SLC9A9: variants seen among roughly 807,000 people sequenced by gnomAD.
The protein encoded by SLC9A9 is solute carrier family 9 member A9, also known as sodium/hydrogen exchanger 9.
Under a neutral mutation model 77.8 loss-of-function variants are expected in SLC9A9, and 62 were observed. The ratio of observed to expected loss-of-function variants is 0.80; its 90% CI spans 0.65 to 0.98. The LOEUF is 0.98. SLC9A9 is among the 50% of genes least tolerant of loss of function. SLC9A9 has a pLI of 0.00. For missense variants in SLC9A9, 775 were observed against 774.9 expected, an observed-to-expected ratio of 1.00 and a Z score of 0.00; for synonymous variants, 320 against 283.5, an observed-to-expected ratio of 1.13 and a Z score of -1.29.
chr3:143,268,414 C>T (rs1937792493), intron 15 of SLC9A9, among the ~76,000 whole-genome samples: 1 of 152,112 alleles, frequency 6.6e-6, no homozygotes, highest in South Asian at 2.1e-4. Context: ...AGAAATGCTT[C>T]CTAGTGCAGT....
intron 14 of SLC9A9, among the ~76,000 whole-genome samples, chr3:143,284,166 C>G (rs1483952136): frequency 6.6e-6 from 1 of 152,070 alleles, no homozygotes; most frequent in African/African-American, 2.4e-5. Context: ...ATTTCACCCT[C>G]CTAAATCACA....
chr3:143,474,114 A>C (rs2035425766), intron 11 of SLC9A9, among the ~76,000 whole-genome samples: 2 of 152,122 alleles, frequency 1.3e-5, no homozygotes, highest in Non-Finnish European at 2.9e-5. Context: ...CTGGAGGAAA[A>C]TCATTCTAGG....
Position 143,836,068 on chromosome 3 carries a change from A to C in SLC9A9, c.176-3847T>G, listed in dbSNP as rs4498041. On this transcript the variant is annotated intron_variant, in intron 1 of 15. Transcript: ENST00000316549. ...TGACTTCTCTCCACAGCCTACAAGT[A>C]CCACAGAAAGCATGGACAATGGACT... Among the ~76,000 whole-genome samples the C allele has an allele frequency of 3.7e-3, 563 of 152,318 alleles. 5 individuals carry two copies. The highest frequency in any genetic ancestry group is 0.013 in the African/African-American group (542 of 41,574).
chr3:143,669,108 G>T (rs1485400048), intron 5 of SLC9A9, among the ~76,000 whole-genome samples: 4 of 152,168 alleles, frequency 2.6e-5, no homozygotes, highest in African/African-American at 9.7e-5. Context: ...AATCCAGAGA[G>T]TGAGTGCCTT....
chr3:143,337,951 C>T (rs2108460738), intron 14 of SLC9A9, among the ~76,000 whole-genome samples: 1 of 152,218 alleles, frequency 6.6e-6, no homozygotes, highest in African/African-American at 2.4e-5. Context: ...GCTATTCTGT[C>T]CTTGAGGAAA....
intron 11 of SLC9A9, among the ~76,000 whole-genome samples, chr3:143,471,777 C>T (rs2035382122): frequency 6.6e-6 from 1 of 152,036 alleles, no homozygotes; most frequent in South Asian, 2.1e-4. Context: ...TTCATATGCC[C>T]AGTTGGAAAT....
intron 12 of SLC9A9, among the ~76,000 whole-genome samples, chr3:143,413,547 G>T (rs542660965): frequency 6.6e-6 from 1 of 152,128 alleles, no homozygotes; most frequent in African/African-American, 2.4e-5. Context: ...GGCAGCTGGC[G>T]GAAAGAGGAA....
chr3:143,326,257 T>C (rs1229014951), intron 14 of SLC9A9, among the ~76,000 whole-genome samples: 2 of 152,158 alleles, frequency 1.3e-5, no homozygotes, highest in African/African-American at 4.8e-5. Flanking sequence ...GACACTACAC[T>C]TGCTTTCCTG....
intron 6 of SLC9A9, among the ~76,000 whole-genome samples, chr3:143,640,616 T>A (rs1261465038): frequency 6.6e-6 from 1 of 152,140 alleles, no homozygotes; most frequent in Non-Finnish European, 1.5e-5. Flanking sequence ...ATCCCAGCAC[T>A]TTGGGAGGCC....
intron 4 of SLC9A9, among the ~76,000 whole-genome samples, chr3:143,783,840 G>A (rs1448324210): frequency 2.6e-5 from 4 of 152,128 alleles, no homozygotes; most frequent in Non-Finnish European, 5.9e-5. Flanking sequence ...ACTCTCCAAG[G>A]CCCGGGAAAG....
rs1394811355 is a variant in SLC9A9, at chr3:143,832,161, G to C, written c.236C>G (p.Thr79Ser). ...ATAPTDIESGTVYDCVKLTFS... is the reference protein window; with the variant it reads ...ATAPTDIESGSVYDCVKLTFS... ...AGTTAGTTTTACACAGTCATAGACA[G>C]TTCCACTTTCAATATCAGTTGGTGC... The change falls in exon 2 of 16, where the codon ACT (threonine) becomes AGT (serine). Residue 79 changes from threonine (T) to serine (S), a missense_variant. Coordinates refer to ENST00000316549, the MANE Select transcript of SLC9A9 (RefSeq NM_173653.4). 15 of 1,612,976 alleles carry C rather than the reference G, an allele frequency of 9.3e-6. No individual in the cohort carries two copies. The highest frequency in any genetic ancestry group is 1.3e-5 in the Non-Finnish European group (15 of 1,179,556).
intron 13 of SLC9A9, among the ~76,000 whole-genome samples, chr3:143,377,906 TC>T (rs1226818590): frequency 6.6e-6 from 1 of 152,232 alleles, no homozygotes; most frequent in Non-Finnish European, 1.5e-5. Context: ...ATGCTGGCCT[TC>T]CTGCTGCTTT....
At chr3:143,288,045 A>G (rs1039619973) in intron 14 of SLC9A9, among the ~76,000 whole-genome samples, 3 of 152,172 alleles carry the variant, frequency 2.0e-5, no homozygotes, top group African/African-American at 7.2e-5. Flanking sequence ...AATGTGGAGA[A>G]CTGGTCATTG....
At chr3:143,272,854 T>C (rs1294737388) in intron 14 of SLC9A9, among the ~76,000 whole-genome samples, 1 of 152,210 alleles carries the variant, frequency 6.6e-6, no homozygotes, top group Admixed American at 6.5e-5. Context: ...CAATGACTTT[T>C]CTCATCTTTA....
chr3:143,433,594 A>G (rs2034568858), intron 12 of SLC9A9, among the ~76,000 whole-genome samples: 1 of 152,202 alleles, frequency 6.6e-6, no homozygotes, highest in African/African-American at 2.4e-5. Context: ...GTGATATTAT[A>G]AAAGGTGGGG....
chr3:143,325,121 A>G (rs898786592), intron 14 of SLC9A9, among the ~76,000 whole-genome samples: 3 of 149,808 alleles, frequency 2.0e-5, no homozygotes, highest in African/African-American at 7.3e-5. Flanking sequence ...CTTTTTCCAT[A>G]GTAGTGAGAA....
chr3:143,807,871 A>G (rs2008764830), intron 2 of SLC9A9, among the ~76,000 whole-genome samples: 1 of 152,244 alleles, frequency 6.6e-6, no homozygotes, highest in Admixed American at 6.5e-5. Flanking sequence ...ACCCAGGTGG[A>G]ATTGGGCAGT....
chr3:143,473,254 T>G (rs1156751071), intron 11 of SLC9A9, among the ~76,000 whole-genome samples: 1 of 152,230 alleles, frequency 6.6e-6, no homozygotes, highest in Non-Finnish European at 1.5e-5. Flanking sequence ...CAGTCCATCT[T>G]GTTGATGTTC....
At chr3:143,628,259 T>C (rs554728891) in intron 6 of SLC9A9, among the ~76,000 whole-genome samples, 7 of 152,182 alleles carry the variant, frequency 4.6e-5, no homozygotes, top group African/African-American at 1.7e-4. Flanking sequence ...AATAACCTTA[T>C]GGTAAGTTGA....
Sources: gnomAD v4.1 joint callset for allele counts (sites outside exome capture counted in the v4.1 genomes callset) on GRCh38, gnomAD v4.1.1 for gene constraint, MANE v1.5 for transcripts, NCBI Gene and HGNC (gene_info 2026-07-23, HGNC 2026-07-21) for gene names.